Variants in NGEF observed in about 807,000 individuals in gnomAD.
The protein encoded by NGEF is neuronal guanine nucleotide exchange factor.
NGEF carries 31 observed loss-of-function variants against 80.9 expected under a neutral mutation model. The ratio of observed to expected loss-of-function variants is 0.38; its 90% CI spans 0.29 to 0.52. NGEF has a LOEUF of 0.52. NGEF is among the 20% of genes least tolerant of loss of function. The probability of loss-of-function intolerance (pLI) is 0.84; values close to 1 mark genes in which losing one functional copy is unlikely to be tolerated. For synonymous variants in NGEF, 371 were observed against 370.2 expected, an observed-to-expected ratio of 1.00 and a Z score of -0.03; for missense variants, 709 against 926.2, an observed-to-expected ratio of 0.77 and a Z score of 3.04.
intron 5 of NGEF, among the ~76,000 whole-genome samples, chr2:232,906,093 T>A (rs866600233): frequency 1.1e-5 from 1 of 87,114 alleles, no homozygotes; most frequent in Non-Finnish European, 2.3e-5. Context: ...CCCCGCCTGG[T>A]CAGCCGTCCC....
At chr2:232,918,975 T>TACACAAGTTTACATTGTGTGAATGTG (rs1213692672) in intron 5 of NGEF, among the ~76,000 whole-genome samples, 2 of 152,228 alleles carry the variant, frequency 1.3e-5, no homozygotes, top group African/African-American at 4.8e-5. Context: ...TAAATCAATG[T>TACACAAGTTTACATTGTGTGAATGTG]AGCCATTTAC....
chr2:232,978,476 C>G (rs1398430580), intron 1 of NGEF, among the ~76,000 whole-genome samples: 1 of 152,242 alleles, frequency 6.6e-6, no homozygotes, highest in African/African-American at 2.4e-5. Context: ...GATTGCGCCA[C>G]TGCATTCCAG....
intron 4 of NGEF, among the ~76,000 whole-genome samples, chr2:232,925,735 A>G (rs1347994378): frequency 6.6e-6 from 1 of 152,214 alleles, no homozygotes; most frequent in Non-Finnish European, 1.5e-5. Flanking sequence ...AGCATATGCT[A>G]AGTCAGATGT....
At chr2:232,983,499 A>G (rs983378586) in intron 1 of NGEF, among the ~76,000 whole-genome samples, 9 of 152,110 alleles carry the variant, frequency 5.9e-5, no homozygotes, top group Non-Finnish European at 1.2e-4. Flanking sequence ...CTGAGAGGTC[A>G]GGGGTGCCTA....
At chr2:232,922,156 C>G (rs756128852) in intron 4 of NGEF, among the ~76,000 whole-genome samples, 2 of 152,168 alleles carry the variant, frequency 1.3e-5, no homozygotes, top group African/African-American at 2.4e-5. Flanking sequence ...GATAAATATA[C>G]CACTTGACAA....
At chr2:232,985,848 A>T (rs1460773071) in intron 1 of NGEF, among the ~76,000 whole-genome samples, 1 of 151,942 alleles carries the variant, frequency 6.6e-6, no homozygotes. Context: ...CTGAGGCAGG[A>T]GAATCACTTG....
At chr2:232,913,581 T>G (rs192993594) in intron 5 of NGEF, among the ~76,000 whole-genome samples, 2 of 152,226 alleles carry the variant, frequency 1.3e-5, no homozygotes, top group African/African-American at 2.4e-5. Context: ...GACTGTATAT[T>G]GACTATATTT....
intron 11 of NGEF, 118 bp from the exon 12 acceptor site, chr2:232,883,584 T>A (rs1691584135): frequency 1.9e-6 from 2 of 1,054,360 alleles, no homozygotes; most frequent in Admixed American, 6.2e-5. Flanking sequence ...GATCTTCACC[T>A]CCTTCTGAAG....
chr2:232,884,689 C>T (rs1039371630), intron 10 of NGEF, among the ~76,000 whole-genome samples: 1 of 152,184 alleles, frequency 6.6e-6, no homozygotes, highest in South Asian at 2.1e-4. Flanking sequence ...CAGGGGCAGG[C>T]GCCTGGCAGC....
Position 232,974,885 on chromosome 2 carries a change from C to T in NGEF, c.6G>A (p.Glu2=), listed in dbSNP as rs1374503185. 2 of 1,612,970 alleles carry T rather than the reference C, an allele frequency of 1.2e-6. No individual in the cohort carries two copies. The highest frequency in any genetic ancestry group is 2.7e-5 in the African/African-American group (2 of 74,796). M[E]TRESEDLEKT... is the part of the protein sequence containing the mutation. ...TTTCCAAATCTTCAGATTCCCTGGTCTCCATGGAAATAGAGCCAGATGTTT... is the reference window on the plus strand; with the variant it reads ...TTTCCAAATCTTCAGATTCCCTGGTTTCCATGGAAATAGAGCCAGATGTTT... The change falls in exon 2 of 15, where the codon GAG becomes GAA. Residue 2 remains glutamate (E), a synonymous_variant. Transcript: ENST00000264051.
chr2:232,888,431 T>G (rs1249502661), intron 8 of NGEF, among the ~76,000 whole-genome samples: 2 of 151,992 alleles, frequency 1.3e-5, no homozygotes, highest in Non-Finnish European at 2.9e-5. Context: ...CGTGCATACA[T>G]GCTCACACAT....
At chr2:232,949,030 CA>C (rs142989664) in intron 3 of NGEF, among the ~76,000 whole-genome samples, 1 of 137,406 alleles carries the variant, frequency 7.3e-6, no homozygotes, top group Non-Finnish European at 1.7e-5. Flanking sequence ...AAAAACCCCC[CA>C]AAAAAAACAA....
At chr2:232,990,392 G>A (rs894339272) in intron 1 of NGEF, among the ~76,000 whole-genome samples, 4 of 151,992 alleles carry the variant, frequency 2.6e-5, no homozygotes, top group African/African-American at 7.2e-5. Context: ...AGAAGCATGA[G>A]TTTTTCTTGG....
rs532143880 is a variant in NGEF, at chr2:232,983,194, G to A, written c.-74-8230C>T. On this transcript the variant is annotated intron_variant, in intron 1 of 14. Transcript: ENST00000264051. Reference sequence around the variant, plus strand: ...AAATTGGGGAGCCAGCAGTGGGGAGGGGCAGTAACAGGAAAGGGGCTGGAG... The same window carrying A: ...AAATTGGGGAGCCAGCAGTGGGGAGAGGCAGTAACAGGAAAGGGGCTGGAG... Among the ~76,000 whole-genome samples the A allele has an allele frequency of 3.5e-4, 53 of 152,082 alleles. 1 individual carries two copies. Among genetic ancestry groups the A allele is most frequent in the African/African-American group, 1.2e-3 (48 of 41,354 alleles).
At chr2:232,982,846 G>C (rs906517535) in intron 1 of NGEF, among the ~76,000 whole-genome samples, 1 of 152,214 alleles carries the variant, frequency 6.6e-6, no homozygotes, top group Non-Finnish European at 1.5e-5. Context: ...GGATCAAAGT[G>C]GGGAGAGTGA....
intron 3 of NGEF, among the ~76,000 whole-genome samples, chr2:232,957,444 T>C (rs1421866623): frequency 2.0e-5 from 3 of 152,102 alleles, no homozygotes; most frequent in Non-Finnish European, 4.4e-5. Context: ...TGCCTCAGCC[T>C]CCCAAGTAGC....
In NGEF at chr2:232,979,533, C is replaced by T. The variant is rs1026289792; in HGVS notation, c.-74-4569G>A. Among the ~76,000 whole-genome samples, 7 of 152,120 alleles carry T rather than the reference C, an allele frequency of 4.6e-5. No individual in the cohort carries two copies. The South Asian group carries it at 1.4e-3, about 31-fold the overall frequency. On this transcript the variant is annotated intron_variant, in intron 1 of 14. Transcript: ENST00000264051. Reference sequence around the variant, plus strand: ...TCTATAACGATTAACTGCCAGAAAACCCAGAAGCTTCCCCCACCCCAATCT... The same window carrying T: ...TCTATAACGATTAACTGCCAGAAAATCCAGAAGCTTCCCCCACCCCAATCT...
intron 1 of NGEF, among the ~76,000 whole-genome samples, chr2:233,001,485 G>C (rs558352190): frequency 6.6e-6 from 1 of 152,166 alleles, no homozygotes; most frequent in South Asian, 2.1e-4. Context: ...GGGCTGGAGG[G>C]ATTCAGGCAT....
rs570095129 is a variant in NGEF at position 232,900,941 on chromosome 2, C to T, written c.829-6025G>A. Among the ~76,000 whole-genome samples the T allele has an allele frequency of 2.0e-5, 3 of 152,332 alleles. No individual in the cohort carries two copies. The East Asian group carries it at 5.8e-4, about 29-fold the overall frequency. On this transcript the variant is annotated intron_variant, in intron 5 of 14. Coordinates refer to ENST00000264051, the MANE Select transcript of NGEF (RefSeq NM_019850.3). ...GGGGCTGCTCTGGGGTGGTGACGTC[C>T]GGCGGCCTCAGATCAGCCAGGTCCC...
Sources: allele counts gnomAD v4.1 joint callset (sites outside exome capture counted in the v4.1 genomes callset), GRCh38; gene constraint gnomAD v4.1.1; transcripts MANE v1.5; gene names NCBI Gene and HGNC (gene_info 2026-07-23, HGNC 2026-07-21).